PCMTD2: variants seen among roughly 807,000 people sequenced by gnomAD.
The protein encoded by PCMTD2 is protein-L-isoaspartate O-methyltransferase domain-containing protein 2.
Under a neutral mutation model 33.4 loss-of-function variants are expected in PCMTD2, and 16 were observed. The ratio of observed to expected loss-of-function variants is 0.48; its 90% CI spans 0.32 to 0.73. PCMTD2 has a LOEUF of 0.73. PCMTD2 is among the 30% of genes least tolerant of loss of function. The probability of loss-of-function intolerance (pLI) is 0.03; values close to 1 mark genes in which losing one functional copy is unlikely to be tolerated. For synonymous variants in PCMTD2, 161 were observed against 160.8 expected (o/e 1.00, Z -0.01); for missense variants, 374 against 449.9 (o/e 0.83, Z 1.53).
In PCMTD2 at chr20:64,265,697, C is replaced by T. The variant is rs1399678290; in HGVS notation, c.582+268C>T. On this transcript the variant is annotated intron_variant, in intron 4 of 5. Transcript: ENST00000308824. ...CTCTTTTTCCTTCTTCTGTCCCTTC[C>T]CCCTCACCTCCCTCTTCCTTCCCCT... 1.1e-4 allele frequency: 38 copies of T among 345,418 alleles called. 1 individual carries two copies. The East Asian group carries it at 1.6e-3, about 15-fold the overall frequency. 21.4% of individuals were successfully genotyped at this position (345,418 alleles called of 1,614,324 possible). A position where few individuals can be genotyped will look rare whatever the true frequency, so the allele number is the denominator to read the frequency against.
chr20:64,266,558 A>C (rs1214847424), intron 4 of PCMTD2, among the ~76,000 whole-genome samples: 1 of 152,054 alleles, frequency 6.6e-6, no homozygotes, highest in African/African-American at 2.4e-5. Context: ...TGCCCGGCCT[A>C]ATTTTATTTT....
intron 4 of PCMTD2, 128 bp from the exon 5 acceptor site, chr20:64,267,759 C>G (rs986525494): frequency 2.0e-5 from 15 of 743,838 alleles, no homozygotes; most frequent in Non-Finnish European, 3.3e-5. Context: ...ATTAGGGGTC[C>G]GTATGTCAAG....
At chr20:64,270,501 G>C (rs1985869261) in intron 5 of PCMTD2, among the ~76,000 whole-genome samples, 1 of 151,390 alleles carries the variant, frequency 6.6e-6, no homozygotes, top group South Asian at 2.1e-4. Context: ...GTGTGCAGTC[G>C]TGAGTTCCGG....
rs1345449823 is a variant in PCMTD2, at chr20:64,274,331, T to C, written c.*731T>C. On this transcript the variant is annotated 3_prime_UTR_variant, in exon 6 of 6. Coordinates refer to ENST00000308824, the MANE Select transcript of PCMTD2 (RefSeq NM_018257.3). ...TTTTTTTTTTTAGGACATCTTTTGATACCTTTAAAAGAACCACTGTCAAGT... is the reference window on the plus strand; with the variant it reads ...TTTTTTTTTTTAGGACATCTTTTGACACCTTTAAAAGAACCACTGTCAAGT... 1 of 151,280 alleles carries C rather than the reference T, an allele frequency of 6.6e-6. No homozygotes were observed. Among genetic ancestry groups the C allele is most frequent in the Non-Finnish European group, 1.5e-5 (1 of 67,908 alleles). The allele number at this position is 151,280 out of a possible 1,614,324, so 9.4% of individuals were successfully genotyped here.
At chr20:64,267,090 T>A (rs891377794) in intron 4 of PCMTD2, among the ~76,000 whole-genome samples, 2 of 152,224 alleles carry the variant, frequency 1.3e-5, no homozygotes, top group Admixed American at 6.5e-5. Context: ...AAGGCCAGCA[T>A]ATAATCATAG....
chr20:64,260,323 A>G, intron 2 of PCMTD2, 51 bp downstream of exon 2: 1 of 1,310,566 alleles, frequency 7.6e-7, no homozygotes. Flanking sequence ...GGAAGGAGGC[A>G]TCTCCTTTGA....
Position 64,268,019 on chromosome 20 carries a change from A to G in PCMTD2, c.706+9A>G. 6.3e-7 allele frequency: 1 copy of G among 1,592,312 alleles called. No homozygotes were observed. The highest frequency in any genetic ancestry group is 1.1e-5 in the South Asian group (1 of 88,766). ...AAGACTTGTCCAGTTACGTAAGTAT[A>G]CCAATCTTTACTTATTTTATCTTTT... On this transcript the variant is annotated intron_variant, in intron 5 of 5. Coordinates refer to ENST00000308824, the MANE Select transcript of PCMTD2 (RefSeq NM_018257.3).
chr20:64,264,390 C>T, intron 2 of PCMTD2, 39 bp from the exon 3 acceptor site: 1 of 986,942 alleles, frequency 1.0e-6, no homozygotes, highest in Non-Finnish European at 1.6e-6. Context: ...AGAGTTCTTA[C>T]TCTGGTTCTA....
intron 1 of PCMTD2, among the ~76,000 whole-genome samples, chr20:64,259,535 T>C (rs1319934733): frequency 6.6e-6 from 1 of 151,912 alleles, no homozygotes; most frequent in East Asian, 1.9e-4. Flanking sequence ...ATTACAGGCA[T>C]CCACCAGCAT....
rs113835747 is a variant in PCMTD2 at position 64,265,202 on chromosome 20, T to C, written c.411-56T>C. 173 of 1,346,728 alleles carry C rather than the reference T, an allele frequency of 1.3e-4. No homozygotes were observed. The African/African-American group carries it at 2.2e-3, about 17-fold the overall frequency. 83.4% of individuals were successfully genotyped at this position (1,346,728 alleles called of 1,614,324 possible). A position where few individuals can be genotyped will look rare whatever the true frequency, so the allele number is the denominator to read the frequency against. ...ACCTGTGGTTAGCATAGATTTACTGTATAGACTTGTTGCAATGTGATACTT... is the reference window on the plus strand; with the variant it reads ...ACCTGTGGTTAGCATAGATTTACTGCATAGACTTGTTGCAATGTGATACTT... On this transcript the variant is annotated intron_variant, in intron 3 of 5. Coordinates refer to ENST00000308824, the MANE Select transcript of PCMTD2 (RefSeq NM_018257.3).
At chr20:64,266,672 A>G (rs1053189840) in intron 4 of PCMTD2, among the ~76,000 whole-genome samples, 1 of 152,192 alleles carries the variant, frequency 6.6e-6, no homozygotes, top group Admixed American at 6.5e-5. Flanking sequence ...GAGCCATCAC[A>G]CCTGGCAGAA....
chr20:64,260,344 A>T (rs185917597), intron 2 of PCMTD2, 72 bp downstream of exon 2: 1 of 1,101,124 alleles, frequency 9.1e-7, no homozygotes, highest in Admixed American at 2.0e-5. Context: ...CAGAAAATGT[A>T]GTCTGCTAAT....
Position 64,259,389 on chromosome 20 carries a change from T to C in PCMTD2, c.-24-553T>C, listed in dbSNP as rs973640797. On this transcript the variant is annotated intron_variant, in intron 1 of 5. Coordinates refer to ENST00000308824, the MANE Select transcript of PCMTD2 (RefSeq NM_018257.3). ...CCTAAAGTTTTTTTTCTTTTCTCTT[T>C]TTTTTTTTTTTTTTTTTGAGACAGA... 1.0e-3 allele frequency among the ~76,000 whole-genome samples: 34 copies of C among 32,556 alleles called. No homozygotes were observed. The African/African-American group carries it at 0.011, about 11-fold the overall frequency. 21.4% of individuals were successfully genotyped at this position (32,556 alleles called of 152,430 possible).
rs1338175652 is a variant in PCMTD2 at position 64,272,040 on chromosome 20, C to G, written c.707-1181C>G. 4 of 364,812 alleles carry G rather than the reference C, an allele frequency of 1.1e-5. No individual in the cohort carries two copies. The Admixed American group carries it at 1.4e-4, about 13-fold the overall frequency. 22.6% of individuals were successfully genotyped at this position (364,812 alleles called of 1,614,324 possible). A position where few individuals can be genotyped will look rare whatever the true frequency, so the allele number is the denominator to read the frequency against. Reference sequence around the variant, plus strand: ...TTGAGTGAAGAGAAAGGACTGAAGACAAAGGAAGTGCCGGAGCCTGTCCTG... The same window carrying G: ...TTGAGTGAAGAGAAAGGACTGAAGAGAAAGGAAGTGCCGGAGCCTGTCCTG... On this transcript the variant is annotated intron_variant, in intron 5 of 5. Coordinates refer to ENST00000308824, the MANE Select transcript of PCMTD2 (RefSeq NM_018257.3).
chr20:64,273,476 AAGAAG>A lies in PCMTD2; in HGVS notation c.969_973del (p.Glu323AspfsTer47). 3 of 1,612,510 alleles carry A rather than the reference AAGAAG, an allele frequency of 1.9e-6. No individual in the cohort carries two copies. Among genetic ancestry groups the A allele is most frequent in the Non-Finnish European group, 2.5e-6 (3 of 1,179,490 alleles). ...GACTTGGAAGAGGAACGGAGGGAAGAAGAAGAGAAGACCCCGCCGGAAACAAAGCC... is the reference window on the plus strand; with the variant it reads ...GACTTGGAAGAGGAACGGAGGGAAGAAGAAGACCCCGCCGGAAACAAAGCC... On this transcript the variant is annotated frameshift_variant, in exon 6 of 6. Coordinates refer to ENST00000308824, the MANE Select transcript of PCMTD2 (RefSeq NM_018257.3). LOFTEE classifies it high-confidence loss of function.
chr20:64,260,550 C>T (rs907347856), intron 2 of PCMTD2, among the ~76,000 whole-genome samples: 3 of 152,158 alleles, frequency 2.0e-5, no homozygotes, highest in Admixed American at 1.3e-4. Context: ...GCCCTCTGGA[C>T]AGCGGAGGAT....
rs1986082048 is a variant in PCMTD2, at chr20:64,276,031, T to C, written c.*2431T>C. 6.6e-6 allele frequency: 1 copy of C among 152,230 alleles called. No homozygotes were observed. The highest frequency in any genetic ancestry group is 1.9e-4 in the East Asian group (1 of 5,208). 9.4% of individuals were successfully genotyped at this position (152,230 alleles called of 1,614,324 possible). The stretch of plus-strand genomic sequence containing the variant: ...TAGTCAGGATATTTTATCCTTAGCA[T>C]TGCTTCTGCATCCTGTGTAGGATTC... On this transcript the variant is annotated 3_prime_UTR_variant, in exon 6 of 6. Coordinates refer to ENST00000308824, the MANE Select transcript of PCMTD2 (RefSeq NM_018257.3).
In PCMTD2 at chr20:64,274,796, G is replaced by A. The variant is rs936544103; in HGVS notation, c.*1196G>A. 1 of 152,158 alleles carries A rather than the reference G, an allele frequency of 6.6e-6. No homozygotes were observed. Among genetic ancestry groups the A allele is most frequent in the Non-Finnish European group, 1.5e-5 (1 of 68,042 alleles). The allele number at this position is 152,158 out of a possible 1,614,324, so 9.4% of individuals were successfully genotyped here. On this transcript the variant is annotated 3_prime_UTR_variant, in exon 6 of 6. Transcript: ENST00000308824. ...AGCTTTCTATCTTACCAAGTGGTAG[G>A]GCTAAAAGAACAACAGCCTTTTTGG...
chr20:64,273,204 A>G lies in PCMTD2; in HGVS notation c.707-17A>G. 6.2e-7 allele frequency: 1 copy of G among 1,604,524 alleles called. No homozygotes were observed. Among genetic ancestry groups the G allele is most frequent in the Non-Finnish European group, 8.5e-7 (1 of 1,174,776 alleles). ...ACTCCGATGCATTTGACTGTGTCTC[A>G]CTCTTCTGTGCTGCAGCACCAGTGG... On this transcript the variant is annotated splice_polypyrimidine_tract_variant and intron_variant, in intron 5 of 5. Transcript: ENST00000308824.
Sources: allele counts gnomAD v4.1 joint callset (sites outside exome capture counted in the v4.1 genomes callset), GRCh38; gene constraint gnomAD v4.1.1; transcripts MANE v1.5; gene names NCBI Gene and HGNC (gene_info 2026-07-23, HGNC 2026-07-21).